The following TTC34 variants were observed in gnomAD, a reference collection of about 807,000 sequenced individuals.
TTC34 encodes the protein tetratricopeptide repeat protein 34.
TTC34 carries 44 observed loss-of-function variants against 40.7 expected under a neutral mutation model. That is an observed-to-expected ratio of 1.08 (90% confidence interval 0.85 to 1.39). The LOEUF (loss-of-function observed/expected upper bound fraction) is 1.39, where lower values mean the gene tolerates loss of function less well. Ranked by LOEUF, TTC34 falls within the 40% of genes most tolerant of loss-of-function variation. The probability of loss-of-function intolerance (pLI) is 0.00; values close to 1 mark genes in which losing one functional copy is unlikely to be tolerated. For synonymous variants in TTC34, 422 were observed against 398.6 expected, an observed-to-expected ratio of 1.06 and a Z score of -0.70; for missense variants, 884 against 838.0, an observed-to-expected ratio of 1.05 and a Z score of -0.68.
intron 6 of TTC34, among the ~76,000 whole-genome samples, chr1:2,779,786 G>A (rs962003271): frequency 1.3e-5 from 2 of 152,176 alleles, no homozygotes; most frequent in Non-Finnish European, 2.9e-5. Flanking sequence ...ATCCTGACAG[G>A]TGTGAGGCAT....
At chr1:2,756,621 C>G (rs1641514158) in intron 6 of TTC34, among the ~76,000 whole-genome samples, 5 of 152,162 alleles carry the variant, frequency 3.3e-5, no homozygotes, top group African/African-American at 7.2e-5. Context: ...GGAACAGCAC[C>G]CACACCCCCA....
At chr1:2,799,613 G>A (rs576942438) in intron 2 of TTC34, among the ~76,000 whole-genome samples, 39 of 151,820 alleles carry the variant, frequency 2.6e-4, no homozygotes, top group African/African-American at 8.9e-4. Context: ...TAACATCCAA[G>A]GGCCTTGGGA....
intron 6 of TTC34, among the ~76,000 whole-genome samples, chr1:2,696,316 AC>A (rs1640863316): frequency 7.3e-6 from 1 of 137,222 alleles, no homozygotes; most frequent in African/African-American, 2.7e-5. Context: ...AGCACCCTGC[AC>A]CCCCAGGTGT....
In TTC34 at chr1:2,784,182, G is replaced by T. The variant is rs536459169; in HGVS notation, c.2060-407C>A. The stretch of plus-strand genomic sequence containing the variant: ...GTGAATCTTCTAAGTGATTGACAAG[G>T]TGAAGCAAGTCACGTGATCAAAGGA... On this transcript the variant is annotated intron_variant, in intron 5 of 8. Coordinates refer to ENST00000401095, the Ensembl canonical transcript of TTC34. Among the ~76,000 whole-genome samples, 37 of 152,344 alleles carry T rather than the reference G, an allele frequency of 2.4e-4. No homozygotes were observed. In the South Asian group the frequency reaches 7.0e-3, roughly 29 times the overall value.
intron 6 of TTC34, among the ~76,000 whole-genome samples, chr1:2,754,749 G>A (rs1641447247): frequency 6.7e-5 from 10 of 149,476 alleles, no homozygotes; most frequent in South Asian, 4.2e-4. Context: ...CCCCAGGTGC[G>A]CATGTGATGG....
intron 5 of TTC34, among the ~76,000 whole-genome samples, chr1:2,784,605 T>G (rs898533466): frequency 6.6e-6 from 1 of 152,214 alleles, no homozygotes; most frequent in African/African-American, 2.4e-5. Context: ...GCAGCCCTTA[T>G]GCGGGTGTGA....
At chr1:2,797,637 G>A (rs555260968) in intron 2 of TTC34, among the ~76,000 whole-genome samples, 9 of 152,188 alleles carry the variant, frequency 5.9e-5, no homozygotes, top group South Asian at 4.1e-4. Flanking sequence ...GGGTGGAGAC[G>A]CAGCCTCGTC....
chr1:2,684,320 A>C (rs1338273832), intron 6 of TTC34, among the ~76,000 whole-genome samples: 10 of 145,482 alleles, frequency 6.9e-5, no homozygotes, highest in Non-Finnish European at 1.4e-4. Flanking sequence ...CCACACCCCC[A>C]AGTGAGCATC....
Position 2,662,748 on chromosome 1 carries a change from AGCAACCACACGCACAGG to A in TTC34, c.2227-17202_2227-17186del, listed in dbSNP as rs1405576406. Among the ~76,000 whole-genome samples the A allele has an allele frequency of 1.3e-3, 69 of 54,768 alleles. 3 individuals are homozygous for A. Among genetic ancestry groups the A allele is most frequent in the Admixed American group, 2.4e-3 (16 of 6,580 alleles). 35.9% of individuals were successfully genotyped at this position (54,768 alleles called of 152,430 possible). A position where few individuals can be genotyped will look rare whatever the true frequency, so the allele number is the denominator to read the frequency against. ...AGGTGAGCATCTGACAGCCCGCAGC[AGCAACCACACGCACAGG>A]TGAGAATCTGACAGCCCGTAGCAGC... On this transcript the variant is annotated intron_variant, in intron 6 of 8. Coordinates refer to ENST00000401095, the Ensembl canonical transcript of TTC34.
intron 4 of TTC34, among the ~76,000 whole-genome samples, chr1:2,786,430 G>A (rs1046078829): frequency 2.0e-5 from 3 of 152,222 alleles, no homozygotes; most frequent in Admixed American, 6.5e-5. Flanking sequence ...GCCAGGGACT[G>A]TGTGTCCCCA....
chr1:2,683,460 G>A lies in TTC34; in HGVS notation c.2227-37897C>T, dbSNP rs1330600423. ...CCAGGTGAGCATCCGACAGCCTGGAGCAGCACCCACACCACCAGGCGAGCA... is the reference window on the plus strand; with the variant it reads ...CCAGGTGAGCATCCGACAGCCTGGAACAGCACCCACACCACCAGGCGAGCA... On this transcript the variant is annotated intron_variant, in intron 6 of 8. Coordinates refer to ENST00000401095, the Ensembl canonical transcript of TTC34. 6.5e-3 allele frequency among the ~76,000 whole-genome samples: 929 copies of A among 142,290 alleles called. 3 individuals carry two copies. The highest frequency in any genetic ancestry group is 9.5e-3 in the African/African-American group (353 of 37,208). The allele number at this position is 142,290 out of a possible 152,430, so 93.3% of individuals were successfully genotyped here.
intron 6 of TTC34, among the ~76,000 whole-genome samples, chr1:2,694,605 C>A (rs1388226010): frequency 2.3e-5 from 2 of 86,946 alleles, no homozygotes; most frequent in African/African-American, 7.9e-5. Context: ...AGGCGAGCAT[C>A]TGAAACCACG....
At chr1:2,800,925 G>A in intron 1 of TTC34, 57 bp from the exon 2 acceptor site, 1 of 398,268 alleles carries the variant, frequency 2.5e-6, no homozygotes, top group Non-Finnish European at 4.4e-6. Context: ...CCTGCCCTGT[G>A]GCCACCCGTG....
intron 6 of TTC34, among the ~76,000 whole-genome samples, chr1:2,691,615 A>G (rs1375023657): frequency 8.6e-6 from 1 of 116,916 alleles, no homozygotes; most frequent in African/African-American, 3.1e-5. Context: ...CTGGAACAGC[A>G]CCCTGCACCC....
chr1:2,649,633 A>C (rs193044236), intron 6 of TTC34, among the ~76,000 whole-genome samples: 2,135 of 152,254 alleles, frequency 0.014, 23 homozygotes, highest in Admixed American at 0.024. Context: ...CACCGCCCCC[A>C]GGTTTAATCG....
chr1:2,637,521 CCA>C (rs1346911950), exon 9 of TTC34: 2 of 152,152 alleles, frequency 1.3e-5, no homozygotes, highest in Non-Finnish European at 2.9e-5. Context: ...GGCTGTTGGC[CCA>C]CAGTGTTGTT....
chr1:2,638,526 G>T (rs374381922), exon 9 of TTC34: 2 of 152,238 alleles, frequency 1.3e-5, no homozygotes, highest in Non-Finnish European at 2.9e-5. Flanking sequence ...GCCACCCTCC[G>T]TCCCAGCCTG....
At chr1:2,756,659 A>G (rs1641515977) in intron 6 of TTC34, among the ~76,000 whole-genome samples, 3 of 151,660 alleles carry the variant, frequency 2.0e-5, no homozygotes, top group Non-Finnish European at 3.0e-5. Flanking sequence ...CTGGAACAGC[A>G]CCCACACCCC....
intron 6 of TTC34, among the ~76,000 whole-genome samples, chr1:2,657,477 G>T (rs1230845053): frequency 3.2e-5 from 3 of 92,902 alleles, no homozygotes; most frequent in African/African-American, 9.9e-5. Context: ...GCGAGCATCT[G>T]ACCGAACGGA....
Sources: gnomAD v4.1 joint callset for allele counts (sites outside exome capture counted in the v4.1 genomes callset) on GRCh38, gnomAD v4.1.1 for gene constraint, MANE v1.5 for transcripts, NCBI Gene and HGNC (gene_info 2026-07-23, HGNC 2026-07-21) for gene names.